Variants in PCNT observed in about 807,000 individuals in gnomAD.
PCNT encodes the protein kendrin.
In PCNT, 319 loss-of-function variants were observed where a neutral mutation model predicts 380.4. The observed-to-expected ratio is 0.84, with a 90% confidence interval of 0.77 to 0.92. PCNT has a LOEUF of 0.92. PCNT is among the 40% of genes least tolerant of loss of function. The pLI is 0.00. For missense variants in PCNT, 4,400 were observed against 4,255.3 expected, an observed-to-expected ratio of 1.03 and a Z score of -0.95; for synonymous variants, 1,845 against 1,735.2, an observed-to-expected ratio of 1.06 and a Z score of -1.57.
chr21:46,365,588 A>ATCACTCCCATGGGGTTCTGC (rs1569204857), intron 14 of PCNT, among the ~76,000 whole-genome samples: 1 of 71,380 alleles, frequency 1.4e-5, no homozygotes, highest in Non-Finnish European at 2.7e-5. Context: ...TGGGGTTCTG[A>ATCACTCCCATGGGGTTCTGC]TCACTGCCAT....
Position 46,346,739 on chromosome 21 carries a change from G to T in PCNT, c.721-4G>T. ...CCTTATCAGAGGCCTTTTCTCCGCC[G>T]CAGGCCGTGCATGGCCTTGAGCTGG... On this transcript the variant is annotated splice_polypyrimidine_tract_variant and splice_region_variant and intron_variant, in intron 4 of 46. Coordinates refer to ENST00000359568, the MANE Select transcript of PCNT (RefSeq NM_006031.6). The T allele has an allele frequency of 6.3e-7, 1 of 1,594,686 alleles. No individual in the cohort carries two copies. Among genetic ancestry groups the T allele is most frequent in the African/African-American group, 1.3e-5 (1 of 74,900 alleles).
intron 13 of PCNT, among the ~76,000 whole-genome samples, chr21:46,361,450 A>G (rs756739641): frequency 7.9e-5 from 12 of 152,222 alleles, no homozygotes; most frequent in Non-Finnish European, 1.5e-4. Flanking sequence ...AGTACAGTCT[A>G]CTAAGAGTCA....
At chr21:46,338,197 A>T (rs982215875) in intron 3 of PCNT, among the ~76,000 whole-genome samples, 1 of 151,992 alleles carries the variant, frequency 6.6e-6, no homozygotes, top group African/African-American at 2.4e-5. Context: ...CATGCTTCTA[A>T]GTTCATTCTT....
chr21:46,389,019 A>G, intron 18 of PCNT, 135 bp downstream of exon 18: 11 of 1,412,446 alleles, frequency 7.8e-6, no homozygotes, highest in Non-Finnish European at 1.1e-5. Context: ...TAGTTTCCGC[A>G]CTTACAGAAG....
intron 32 of PCNT, among the ~76,000 whole-genome samples, chr21:46,424,412 G>A (rs1348630692): frequency 2.6e-5 from 4 of 152,166 alleles, no homozygotes; most frequent in Admixed American, 2.6e-4. Flanking sequence ...GTGTCTGTGG[G>A]ACCCCCCAGG....
chr21:46,416,207 C>G lies in PCNT; in HGVS notation c.6289C>G (p.Leu2097Val). The change falls in exon 30 of 47, where the codon CTG (leucine) becomes GTG (valine). Residue 2097 changes from leucine to valine, a missense_variant. Coordinates refer to ENST00000359568, the MANE Select transcript of PCNT (RefSeq NM_006031.6). The part of the protein sequence containing the change: ...QNVDAADTKS[L>V]WPMASAHLLE... The stretch of plus-strand genomic sequence containing the variant: ...TGTGGATGCTGCCGACACCAAATCT[C>G]TGTGGCCCATGGCCTCAGCACACCT... 2 of 1,614,202 alleles carry G rather than the reference C, an allele frequency of 1.2e-6. No individual in the cohort carries two copies. Among genetic ancestry groups the G allele is most frequent in the Non-Finnish European group, 1.7e-6 (2 of 1,180,026 alleles).
intron 32 of PCNT, among the ~76,000 whole-genome samples, chr21:46,422,963 T>C (rs1490647278): frequency 6.6e-6 from 1 of 152,144 alleles, no homozygotes; most frequent in East Asian, 1.9e-4. Context: ...TTTTACTTTA[T>C]TTGGCTGGGC....
chr21:46,332,715 T>C (rs758839135), intron 2 of PCNT, among the ~76,000 whole-genome samples: 1 of 152,250 alleles, frequency 6.6e-6, no homozygotes, highest in African/African-American at 2.4e-5. Flanking sequence ...TCTCTCTGCA[T>C]TCATCTTGTG....
chr21:46,327,311 G>C lies in PCNT; in HGVS notation c.267+722G>C, dbSNP rs1436426419. On this transcript the variant is annotated intron_variant, in intron 2 of 46. Coordinates refer to ENST00000359568, the MANE Select transcript of PCNT (RefSeq NM_006031.6). The stretch of plus-strand genomic sequence containing the variant: ...CCTGACCTCGTGATCTGCCCGCCTC[G>C]GCCTCCCAAAGTGCTGGGATTATAG... 1.3e-5 allele frequency among the ~76,000 whole-genome samples: 2 copies of C among 152,026 alleles called. 1 individual carries two copies. Among genetic ancestry groups the C allele is most frequent in the Non-Finnish European group, 2.9e-5 (2 of 68,002 alleles).
intron 34 of PCNT, among the ~76,000 whole-genome samples, chr21:46,428,000 G>A (rs1252537902): frequency 1.3e-5 from 2 of 152,242 alleles, no homozygotes; most frequent in African/African-American, 2.4e-5. Flanking sequence ...CAGGACAGGT[G>A]TGCTCGAGAT....
intron 15 of PCNT, among the ~76,000 whole-genome samples, chr21:46,378,228 A>T (rs972337178): frequency 6.6e-6 from 1 of 151,922 alleles, no homozygotes. Flanking sequence ...TGAACCCCTT[A>T]TATGCTGTTT....
rs765378781 is a variant in PCNT at position 46,416,677 on chromosome 21, G to T, written c.6759G>T (p.Leu2253=). Residue 2253 remains leucine (L), a synonymous_variant, in exon 30 of 47, where the codon CTG becomes CTT. Transcript: ENST00000359568. ...PVTPHSGALS[L]CSADTSLGDR... is the part of the protein sequence containing the mutation. Reference sequence around the variant, plus strand: ...CACCCCACTCAGGAGCCCTGAGCCTGTGCAGTGCCGACACATCCCTGGGGG... The same window carrying T: ...CACCCCACTCAGGAGCCCTGAGCCTTTGCAGTGCCGACACATCCCTGGGGG... 1.3e-6 allele frequency: 2 copies of T among 1,564,908 alleles called. No homozygotes were observed. Among genetic ancestry groups the T allele is most frequent in the African/African-American group, 2.7e-5 (2 of 73,736 alleles).
intron 21 of PCNT, among the ~76,000 whole-genome samples, chr21:46,396,821 T>G (rs1020895405): frequency 2.6e-5 from 4 of 152,182 alleles, no homozygotes; most frequent in African/African-American, 9.7e-5. Context: ...CAGGCTGGTC[T>G]CAAACTCCTG....
intron 21 of PCNT, among the ~76,000 whole-genome samples, chr21:46,396,848 C>G (rs111638668): frequency 0.051 from 7,820 of 152,210 alleles, 238 homozygotes; most frequent in African/African-American, 0.08. Context: ...AGTGATCCAC[C>G]CGCCTCGGCC....
chr21:46,334,876 T>C, intron 3 of PCNT, 108 bp downstream of exon 3: 1 of 1,544,880 alleles, frequency 6.5e-7, no homozygotes, highest in Non-Finnish European at 8.8e-7. Context: ...GGCCTCTCTT[T>C]AGAAGTGGAA....
intron 11 of PCNT, among the ~76,000 whole-genome samples, chr21:46,354,971 C>T (rs1410177080): frequency 6.6e-6 from 1 of 152,196 alleles, no homozygotes; most frequent in African/African-American, 2.4e-5. Context: ...GGGTGGGTAG[C>T]CCCACCAGGC....
chr21:46,347,962 C>A (rs111455689), intron 6 of PCNT, among the ~76,000 whole-genome samples: 1 of 152,298 alleles, frequency 6.6e-6, no homozygotes, highest in Non-Finnish European at 1.5e-5. Context: ...AGCAGTGCCC[C>A]GTCATTGCCA....
At chr21:46,407,590 G>A (rs564105388) in intron 27 of PCNT, among the ~76,000 whole-genome samples, 16 of 152,152 alleles carry the variant, frequency 1.1e-4, no homozygotes, top group Admixed American at 3.9e-4. Flanking sequence ...TGATCCGCCC[G>A]ACTCGGCCTC....
chr21:46,427,224 G>T (rs2087545327), intron 33 of PCNT, among the ~76,000 whole-genome samples: 1 of 152,210 alleles, frequency 6.6e-6, no homozygotes, highest in Non-Finnish European at 1.5e-5. Context: ...TGCTTCTCGT[G>T]CCTTGAATGG....
Sources: gnomAD v4.1 joint callset for allele counts (sites outside exome capture counted in the v4.1 genomes callset) on GRCh38, gnomAD v4.1.1 for gene constraint, MANE v1.5 for transcripts, NCBI Gene and HGNC (gene_info 2026-07-23, HGNC 2026-07-21) for gene names.